Variants in SACS observed in about 807,000 individuals in gnomAD.
SACS encodes sacsin molecular chaperone.
A neutral mutation model predicts 348.0 loss-of-function variants in SACS; 197 were observed. The observed-to-expected ratio is 0.57, with a 90% CI of 0.50 to 0.64. The LOEUF (loss-of-function observed/expected upper bound fraction) is 0.64. SACS is among the 30% of genes least tolerant of loss of function. The pLI is 0.00. For synonymous variants in SACS, 1,985 were observed against 1,910.6 expected, an observed-to-expected ratio of 1.04 and a Z score of -1.02; for missense variants, 4,999 against 5,360.8, an observed-to-expected ratio of 0.93 and a Z score of 2.11.
intron 1 of SACS, among the ~76,000 whole-genome samples, chr13:23,420,446 C>G (rs951493902): frequency 6.6e-6 from 1 of 151,144 alleles, no homozygotes; most frequent in South Asian, 2.1e-4. Context: ...AATCCAGTGT[C>G]TACCTTGGGC....
At position 23,387,295 on chromosome 13, in the gene SACS, TA is replaced by T. The variant is rs368611035; in HGVS notation, c.21-12027del. On this transcript the variant is annotated intron_variant, in intron 2 of 9. Coordinates refer to ENST00000382292, the MANE Select transcript of SACS (RefSeq NM_014363.6). The stretch of plus-strand genomic sequence containing the variant: ...TAACACAGTGAAACCCAGTCTCTAC[TA>T]AAAAACACAAAAAAAATTAGCCGGG... 4.0e-5 allele frequency among the ~76,000 whole-genome samples: 6 copies of T among 151,720 alleles called. No homozygotes were observed. The South Asian group carries it at 1.3e-3, about 32-fold the overall frequency.
At chr13:23,358,560 A>C in intron 6 of SACS, 79 bp from the exon 7 acceptor site, 1 of 1,486,876 alleles carries the variant, frequency 6.7e-7, no homozygotes, top group Non-Finnish European at 9.3e-7. Context: ...TCCTCTATAC[A>C]AAATCTCTTA....
At chr13:23,351,167 T>C (rs1334877122) in intron 9 of SACS, among the ~76,000 whole-genome samples, 1 of 152,216 alleles carries the variant, frequency 6.6e-6, no homozygotes, top group African/African-American at 2.4e-5. Flanking sequence ...TGGTTCCCCG[T>C]AAGGCCCTAT....
intron 2 of SACS, among the ~76,000 whole-genome samples, chr13:23,391,208 T>G (rs975509319): frequency 6.6e-6 from 1 of 152,220 alleles, no homozygotes; most frequent in African/African-American, 2.4e-5. Flanking sequence ...CCTGAAATTT[T>G]TCATGATAAA....
chr13:23,370,578 T>C (rs73442922), intron 4 of SACS, among the ~76,000 whole-genome samples: 7,587 of 152,238 alleles, frequency 0.05, 665 homozygotes, highest in African/African-American at 0.17. Flanking sequence ...TTTATTCATA[T>C]AGCAAACTTT....
intron 5 of SACS, among the ~76,000 whole-genome samples, chr13:23,368,197 C>A (rs914872642): frequency 6.6e-6 from 1 of 152,128 alleles, no homozygotes; most frequent in Non-Finnish European, 1.5e-5. Context: ...CATTTCTTTG[C>A]CCCAGAAAAC....
At chr13:23,379,772 T>C (rs1394342623) in intron 2 of SACS, among the ~76,000 whole-genome samples, 2 of 152,220 alleles carry the variant, frequency 1.3e-5, no homozygotes, top group African/African-American at 2.4e-5. Flanking sequence ...AATTTCAACA[T>C]AAAAGTGAGA....
chr13:23,354,946 G>C lies in SACS; in HGVS notation c.1666C>G (p.Leu556Val). The change falls in exon 8 of 10, where the codon CTG becomes GTG. Residue 556 changes from leucine to valine, a missense_variant. Physicochemically the swap from Leu to Val is conservative, Grantham distance 32. Coordinates refer to ENST00000382292, the MANE Select transcript of SACS (RefSeq NM_014363.6). ...QPVLEPLFSE[L>V]LQNAVIYSIS... is the part of the protein sequence containing the mutation. ...GAATAAATCACTGCATTCTGCAACAGCTCGCTGAATAGAGGCTCTAACACC... is the reference window on the plus strand; with the variant it reads ...GAATAAATCACTGCATTCTGCAACACCTCGCTGAATAGAGGCTCTAACACC... 1 of 1,614,212 alleles carries C rather than the reference G, an allele frequency of 6.2e-7. No individual in the cohort carries two copies. The highest frequency in any genetic ancestry group is 8.5e-7 in the Non-Finnish European group (1 of 1,180,042).
At chr13:23,373,147 G>A (rs545121230) in intron 3 of SACS, among the ~76,000 whole-genome samples, 1 of 152,320 alleles carries the variant, frequency 6.6e-6, no homozygotes, top group South Asian at 2.1e-4. Flanking sequence ...AGAACCAGAG[G>A]AGGAACCAAA....
chr13:23,376,222 C>T (rs1871793804), intron 2 of SACS, among the ~76,000 whole-genome samples: 1 of 152,124 alleles, frequency 6.6e-6, no homozygotes, highest in Admixed American at 6.5e-5. Context: ...CCATCACAAC[C>T]GCAAGCTCCT....
intron 2 of SACS, among the ~76,000 whole-genome samples, chr13:23,390,628 C>T (rs1164676465): frequency 6.6e-6 from 1 of 152,162 alleles, no homozygotes; most frequent in Non-Finnish European, 1.5e-5. Context: ...TACCACCACA[C>T]TCCAGCCTGG....
At chr13:23,388,077 C>T (rs993940504) in intron 2 of SACS, among the ~76,000 whole-genome samples, 7 of 152,176 alleles carry the variant, frequency 4.6e-5, no homozygotes, top group African/African-American at 1.4e-4. Flanking sequence ...GCCATTCAAT[C>T]CAGCAATCCT....
chr13:23,337,360 T>C lies in SACS; in HGVS notation c.6516A>G (p.Glu2172=), dbSNP rs1174338300. Residue 2172 remains glutamate, a synonymous_variant, in exon 10 of 10, where the codon GAA becomes GAG. Coordinates refer to ENST00000382292, the MANE Select transcript of SACS (RefSeq NM_014363.6). ...DMLERAVSVA[E]INKSDHVAAC... ...CAGCAACATGATCACTTTTATTAATTTCAGCTACTGACACTGCACGTTCTA... is the reference window on the plus strand; with the variant it reads ...CAGCAACATGATCACTTTTATTAATCTCAGCTACTGACACTGCACGTTCTA... 6.2e-7 allele frequency: 1 copy of C among 1,613,858 alleles called. No homozygotes were observed. Among genetic ancestry groups the C allele is most frequent in the East Asian group, 2.2e-5 (1 of 44,880 alleles).
chr13:23,365,970 TC>T (rs1566086600), intron 5 of SACS, among the ~76,000 whole-genome samples: 1 of 152,068 alleles, frequency 6.6e-6, no homozygotes, highest in Non-Finnish European at 1.5e-5. Context: ...CAACAAAATT[TC>T]CAATCCTAAC....
intron 1 of SACS, among the ~76,000 whole-genome samples, chr13:23,415,495 T>C (rs1195865805): frequency 6.6e-6 from 1 of 152,210 alleles, no homozygotes; most frequent in African/African-American, 2.4e-5. Flanking sequence ...CCTACCATGA[T>C]TGAATCATTA....
rs1199674392 is a variant in SACS, at chr13:23,335,221, G to A, written c.8655C>T (p.Gly2885=). ...LETGLPFHVN[G]HFALDSARRN... ...TTCTGGCTGAATCCAGTGCAAAGTG[G>A]CCATTCACATGAAATGGCAGCCCAG... is the stretch of plus-strand genomic sequence containing the variant. The change falls in exon 10 of 10, where the codon GGC becomes GGT. Residue 2885 remains glycine, a synonymous_variant. Transcript: ENST00000382292. This position sits in a 1 kb window ranked among gnomAD's most constrained non-coding sequence, Gnocchi z 4.7. 4 of 1,613,756 alleles carry A rather than the reference G, an allele frequency of 2.5e-6. No homozygotes were observed. The highest frequency in any genetic ancestry group is 3.4e-6 in the Non-Finnish European group (4 of 1,179,918).
intron 2 of SACS, among the ~76,000 whole-genome samples, chr13:23,386,978 C>T (rs1302667362): frequency 7.9e-5 from 12 of 152,104 alleles, no homozygotes; most frequent in Non-Finnish European, 1.8e-4. Flanking sequence ...AAAACAATTA[C>T]AATAGTGACA....
intron 2 of SACS, among the ~76,000 whole-genome samples, chr13:23,394,440 G>A (rs887908070): frequency 2.0e-5 from 3 of 152,172 alleles, no homozygotes; most frequent in Non-Finnish European, 4.4e-5. Context: ...ATTGGGAGTT[G>A]AGCCCAATCT....
At chr13:23,346,500 A>G (rs1253299646) in intron 9 of SACS, among the ~76,000 whole-genome samples, 1 of 152,152 alleles carries the variant, frequency 6.6e-6, no homozygotes. Flanking sequence ...AGGTGCATTC[A>G]CTATCAAACT....
Sources: allele counts gnomAD v4.1 joint callset (sites outside exome capture counted in the v4.1 genomes callset), GRCh38; gene constraint gnomAD v4.1.1; non-coding constraint Gnocchi (gnomAD v3.1); transcripts MANE v1.5; gene names NCBI Gene and HGNC (gene_info 2026-07-23, HGNC 2026-07-21).